DSCAM: variants seen among roughly 807,000 people sequenced by gnomAD.
DSCAM encodes cell adhesion molecule DSCAM.
In DSCAM, 47 loss-of-function variants were observed where a neutral mutation model predicts 217.7. The ratio of observed to expected loss-of-function variants is 0.22; its 90% CI spans 0.17 to 0.28. The LOEUF (loss-of-function observed/expected upper bound fraction) is 0.28, where lower values mean the gene tolerates loss of function less well. DSCAM is among the 10% of genes least tolerant of loss of function. The pLI is 1.00. For missense variants in DSCAM, 2,080 were observed against 2,618.3 expected, an observed-to-expected ratio of 0.79 and a Z score of 4.49; for synonymous variants, 1,056 against 1,015.3, an observed-to-expected ratio of 1.04 and a Z score of -0.76.
chr21:40,175,393 C>A (rs1023382281), intron 15 of DSCAM, among the ~76,000 whole-genome samples: 1 of 152,122 alleles, frequency 6.6e-6, no homozygotes, highest in Non-Finnish European at 1.5e-5. Flanking sequence ...GGATTATAGG[C>A]GTGAACTACC....
intron 10 of DSCAM, among the ~76,000 whole-genome samples, chr21:40,283,824 C>A (rs982172007): frequency 1.1e-4 from 16 of 152,272 alleles, no homozygotes; most frequent in Admixed American, 4.6e-4. Flanking sequence ...TGCCTGCATG[C>A]AAGGAGAGCT....
chr21:40,311,161 C>T (rs2074133154), intron 9 of DSCAM, among the ~76,000 whole-genome samples: 1 of 152,132 alleles, frequency 6.6e-6, no homozygotes, highest in African/African-American at 2.4e-5. Context: ...GAAATCCTCC[C>T]CCTCCTAACA....
At chr21:40,229,704 T>C (rs372315455) in intron 11 of DSCAM, among the ~76,000 whole-genome samples, 84 of 152,360 alleles carry the variant, frequency 5.5e-4, no homozygotes, top group African/African-American at 2.0e-3. Flanking sequence ...AATATTCTAC[T>C]GTCGAGAGAT....
chr21:40,525,712 GA>G (rs1469042329), intron 3 of DSCAM, among the ~76,000 whole-genome samples: 1 of 152,162 alleles, frequency 6.6e-6, no homozygotes, highest in Non-Finnish European at 1.5e-5. Flanking sequence ...TCCTGTTAAA[GA>G]ACAAGGACTT....
chr21:40,247,051 G>C (rs1305505401), intron 11 of DSCAM, among the ~76,000 whole-genome samples: 1 of 152,122 alleles, frequency 6.6e-6, no homozygotes, highest in Admixed American at 6.5e-5. Flanking sequence ...GCAAATCCCT[G>C]ATAAACCCAT....
rs988908688 is a variant in DSCAM at position 40,701,521 on chromosome 21, T to A, written c.361+6933A>T. Among the ~76,000 whole-genome samples the A allele has an allele frequency of 2.0e-5, 3 of 152,166 alleles. No individual in the cohort carries two copies. The South Asian group carries it at 6.2e-4, about 31-fold the overall frequency. ...TAAAATGGATGCTGAGACCACTATT[T>A]AAGACTTTTTTAAAAATTTCTAATA... On this transcript the variant is annotated intron_variant, in intron 2 of 32. Transcript: ENST00000400454.
Position 40,472,720 on chromosome 21 carries a change from GT to G in DSCAM, c.509-103476del, listed in dbSNP as rs898658255. Among the ~76,000 whole-genome samples, 6 of 152,206 alleles carry G rather than the reference GT, an allele frequency of 3.9e-5. No individual in the cohort carries two copies. In the East Asian group the frequency reaches 5.8e-4, roughly 15 times the overall value. On this transcript the variant is annotated intron_variant, in intron 3 of 32. Coordinates refer to ENST00000400454, the MANE Select transcript of DSCAM (RefSeq NM_001389.5). The stretch of plus-strand genomic sequence containing the variant: ...GGAGTGGTTTTTTTAAATGGTTTGT[GT>G]GTTTAAATGTAAAGTTTTTTTAAAA...
At position 40,347,709 on chromosome 21, in the gene DSCAM, T is replaced by C; in HGVS notation, c.1171A>G (p.Lys391Glu). The change falls in exon 6 of 33, where the codon AAG becomes GAG. Residue 391 changes from lysine (K) to glutamate (E), a missense_variant. This residue lies in a region of DSCAM where 568 missense variants were observed against 678.1 expected (regional missense o/e 0.84). Coordinates refer to ENST00000400454, the MANE Select transcript of DSCAM (RefSeq NM_001389.5). ...TGCACATAGTCTTGAGCGGACAGCT[T>C]GTCCTTGCGCACAAAGCACTGGTAT... Reference protein sequence around the residue: ...GAYQCFVRKDKLSAQDYVQVV... With the variant: ...GAYQCFVRKDELSAQDYVQVV... 1.2e-6 allele frequency: 2 copies of C among 1,614,156 alleles called. No individual in the cohort carries two copies. Among genetic ancestry groups the C allele is most frequent in the Non-Finnish European group, 1.7e-6 (2 of 1,180,020 alleles).
intron 16 of DSCAM, among the ~76,000 whole-genome samples, chr21:40,159,557 A>G (rs2146755641): frequency 6.6e-6 from 1 of 152,328 alleles, no homozygotes; most frequent in East Asian, 1.9e-4. Flanking sequence ...TTATTAAATT[A>G]CTACCTACCC....
At chr21:40,758,516 C>CAAA (rs3071030) in intron 1 of DSCAM, among the ~76,000 whole-genome samples, 29,961 of 102,476 alleles carry the variant, frequency 0.29, 5,622 homozygotes, top group East Asian at 0.41. Context: ...GACTCTGTCT[C>CAAA]AAAAAAAAAA....
At chr21:40,789,033 T>C (rs2091616832) in intron 1 of DSCAM, among the ~76,000 whole-genome samples, 1 of 152,080 alleles carries the variant, frequency 6.6e-6, no homozygotes, top group African/African-American at 2.4e-5. Flanking sequence ...GCATAGTCGG[T>C]ATTCATTATG....
chr21:40,798,312 A>G (rs189307997), intron 1 of DSCAM, among the ~76,000 whole-genome samples: 143 of 152,254 alleles, frequency 9.4e-4, no homozygotes, highest in Admixed American at 9.2e-3. Flanking sequence ...AAGAGAATAC[A>G]AATCATCACA....
chr21:40,147,946 T>C (rs1263380248), intron 16 of DSCAM, among the ~76,000 whole-genome samples: 1 of 152,196 alleles, frequency 6.6e-6, no homozygotes, highest in Non-Finnish European at 1.5e-5. Flanking sequence ...GTTTATTTAT[T>C]GAACTCAAGT....
intron 1 of DSCAM, among the ~76,000 whole-genome samples, chr21:40,779,928 T>G (rs1333592940): frequency 6.6e-6 from 1 of 152,188 alleles, no homozygotes; most frequent in Admixed American, 6.5e-5. Flanking sequence ...CTAAGATTTA[T>G]ATATACAGCT....
At chr21:40,822,919 G>C (rs1287392016) in intron 1 of DSCAM, among the ~76,000 whole-genome samples, 2 of 152,184 alleles carry the variant, frequency 1.3e-5, no homozygotes, top group South Asian at 2.1e-4. Flanking sequence ...GGAGGCCGAG[G>C]CGGGCGGATC....
At chr21:40,340,834 G>A (rs1165827646) in intron 6 of DSCAM, among the ~76,000 whole-genome samples, 1 of 152,212 alleles carries the variant, frequency 6.6e-6, no homozygotes, top group Non-Finnish European at 1.5e-5. Flanking sequence ...TCAGGGAAAG[G>A]TGACAGTTAA....
intron 15 of DSCAM, among the ~76,000 whole-genome samples, chr21:40,167,726 A>C (rs907020921): frequency 6.6e-6 from 1 of 152,212 alleles, no homozygotes; most frequent in Non-Finnish European, 1.5e-5. Context: ...AAAATAATCA[A>C]GATTCTTCTG....
intron 4 of DSCAM, among the ~76,000 whole-genome samples, chr21:40,363,229 G>T (rs1043051639): frequency 4.3e-4 from 63 of 147,956 alleles, no homozygotes; most frequent in African/African-American, 1.5e-3. Context: ...TTTTTGAAGT[G>T]TGTACCAATA....
intron 11 of DSCAM, among the ~76,000 whole-genome samples, chr21:40,254,876 T>C (rs1057466784): frequency 1.3e-5 from 2 of 151,982 alleles, no homozygotes; most frequent in African/African-American, 4.8e-5. Context: ...GGCTTTCCCT[T>C]ATCTCTCACG....
Sources: gnomAD v4.1 joint callset for allele counts (sites outside exome capture counted in the v4.1 genomes callset) on GRCh38, gnomAD v4.1.1 for gene constraint, gnomAD v4.1.1 regional missense constraint, MANE v1.5 for transcripts, NCBI Gene and HGNC (gene_info 2026-07-23, HGNC 2026-07-21) for gene names.